Variants in BRD1 observed in about 807,000 individuals in gnomAD.
The protein encoded by BRD1 is bromodomain containing 1.
Under a neutral mutation model 107.7 loss-of-function variants are expected in BRD1, and 24 were observed. The ratio of observed to expected loss-of-function variants is 0.22; its 90% CI spans 0.16 to 0.31. The LOEUF (loss-of-function observed/expected upper bound fraction) is 0.31. Ranked by LOEUF, BRD1 falls within the 10% of genes least tolerant of loss-of-function variation. The pLI is 1.00. For synonymous variants in BRD1, 744 were observed against 686.1 expected (o/e 1.08, Z -1.32); for missense variants, 1,279 against 1,638.6 (o/e 0.78, Z 3.79).
intron 3 of BRD1, among the ~76,000 whole-genome samples, chr22:49,800,233 G>A (rs1287874750): frequency 6.6e-6 from 1 of 152,136 alleles, no homozygotes; most frequent in African/African-American, 2.4e-5. Flanking sequence ...AGAAAAGGAG[G>A]CTCAAGGAGG....
chr22:49,822,553 T>C (rs1479662568), intron 2 of BRD1, among the ~76,000 whole-genome samples: 1 of 147,336 alleles, frequency 6.8e-6, no homozygotes, highest in African/African-American at 2.5e-5. Context: ...ACTTAAAAAA[T>C]ACAAAAATTT....
In BRD1 at chr22:49,827,782, G is replaced by GAGCGGGC. The variant is rs1555917699; in HGVS notation, c.-307_-301dup. Among the ~76,000 whole-genome samples the GAGCGGGC allele has an allele frequency of 9.9e-4, 142 of 143,608 alleles. No homozygotes were observed. Among genetic ancestry groups the GAGCGGGC allele is most frequent in the African/African-American group, 3.4e-3 (137 of 39,872 alleles). 94.2% of individuals were successfully genotyped at this position (143,608 alleles called of 152,430 possible). On this transcript the variant is annotated 5_prime_UTR_variant, in exon 1 of 13. Transcript: ENST00000404760. ...CCGGCGGGCGCGGGCGCGGGCGCGG[G>GAGCGGGC]AGCGGGCGGCGGGCGGCGGGCGCGG...
chr22:49,818,242 T>C (rs560660361), intron 2 of BRD1: 1 of 1,227,430 alleles, frequency 8.1e-7, no homozygotes, highest in East Asian at 6.0e-5. Flanking sequence ...TTCTTGTCCG[T>C]GAGGCTGAAG....
Position 49,827,697 on chromosome 22 carries a change from G to C in BRD1, c.-215C>G, listed in dbSNP as rs2060161131. ...GGCGGCCGCGGACTCTCGGGCAGCG[G>C]CTCGCGCGGCGCGGGCTCGGGCTCG... is the stretch of plus-strand genomic sequence containing the variant. On this transcript the variant is annotated 5_prime_UTR_variant, in exon 1 of 13. Transcript: ENST00000404760. Among the ~76,000 whole-genome samples, 1 of 145,068 alleles carries C rather than the reference G, an allele frequency of 6.9e-6. No homozygotes were observed. Among genetic ancestry groups the C allele is most frequent in the Non-Finnish European group, 1.5e-5 (1 of 65,386 alleles).
At chr22:49,787,299 A>AGCCCC in intron 8 of BRD1, 91 bp downstream of exon 8, 1 of 544,640 alleles carries the variant, frequency 1.8e-6, no homozygotes, top group East Asian at 6.1e-5. Context: ...GAAGCTGGAC[A>AGCCCC]CCCCCCCCCC....
chr22:49,781,044 G>C (rs2146966028), intron 8 of BRD1, among the ~76,000 whole-genome samples: 1 of 152,294 alleles, frequency 6.6e-6, no homozygotes, highest in South Asian at 2.1e-4. Context: ...GTGACTGTGA[G>C]AAATACGTTA....
chr22:49,797,150 G>A (rs142781670), intron 6 of BRD1, among the ~76,000 whole-genome samples: 99 of 152,350 alleles, frequency 6.5e-4, no homozygotes, highest in Middle Eastern at 3.4e-3. Context: ...CCCGGTTTCC[G>A]AGGACCAGTC....
rs535014848 is a variant in BRD1, at chr22:49,783,832, G to A, written c.2857+3558C>T. Among the ~76,000 whole-genome samples the A allele has an allele frequency of 5.3e-4, 80 of 152,298 alleles. No individual in the cohort carries two copies. The highest frequency in any genetic ancestry group is 9.8e-4 in the Non-Finnish European group (67 of 68,030). ...TGAGCTGATGATTCCAATGTGATCC[G>A]CAAGAATTAAGTGAAAGGCAAGATG... On this transcript the variant is annotated intron_variant, in intron 8 of 12. Coordinates refer to ENST00000404760, the MANE Select transcript of BRD1 (RefSeq NM_001304808.3). The surrounding 1 kb of genome is among the most constrained non-coding windows in gnomAD (Gnocchi z 4.2).
At chr22:49,813,113 G>A (rs1216679685) in intron 2 of BRD1, among the ~76,000 whole-genome samples, 2 of 152,150 alleles carry the variant, frequency 1.3e-5, no homozygotes, top group Admixed American at 6.5e-5. Flanking sequence ...CGAGGTGGCC[G>A]GGCACCATGG....
At chr22:49,793,796 T>G (rs2059478203) in intron 7 of BRD1, among the ~76,000 whole-genome samples, 1 of 152,264 alleles carries the variant, frequency 6.6e-6, no homozygotes, top group Non-Finnish European at 1.5e-5. Flanking sequence ...CCTTAAATTT[T>G]ATCAACTGAT....
chr22:49,809,548 A>T (rs56230672), intron 2 of BRD1, among the ~76,000 whole-genome samples: 9,587 of 147,776 alleles, frequency 0.065, 418 homozygotes, highest in Non-Finnish European at 0.1. Context: ...CTCCAAAAAA[A>T]ATATATATAT....
intron 3 of BRD1, among the ~76,000 whole-genome samples, chr22:49,799,889 G>A (rs986097755): frequency 3.9e-5 from 6 of 152,156 alleles, no homozygotes; most frequent in South Asian, 2.1e-4. Flanking sequence ...AGGCCTGGCC[G>A]CATGAGGCCT....
In BRD1 at chr22:49,783,948, C is replaced by T. The variant is rs2059266275; in HGVS notation, c.2857+3442G>A. On this transcript the variant is annotated intron_variant, in intron 8 of 12. Coordinates refer to ENST00000404760, the MANE Select transcript of BRD1 (RefSeq NM_001304808.3). The surrounding 1 kb of genome is among the most constrained non-coding windows in gnomAD (Gnocchi z 4.2). ...AAATGATTAGGGTCCAAAGAGTGAA[C>T]TACCCAGCACATTAGTGGTTAAAGT... Among the ~76,000 whole-genome samples, 1 of 152,224 alleles carries T rather than the reference C, an allele frequency of 6.6e-6. No homozygotes were observed. Among genetic ancestry groups the T allele is most frequent in the Non-Finnish European group, 1.5e-5 (1 of 68,036 alleles).
At chr22:49,827,236 A>C (rs1263602957) in intron 1 of BRD1, among the ~76,000 whole-genome samples, 4 of 137,024 alleles carry the variant, frequency 2.9e-5, no homozygotes, top group Admixed American at 7.0e-5. Context: ...GGCCTGACCT[A>C]CCCGGTCTCC....
rs1410626161 is a variant in BRD1, at chr22:49,823,637, G to A, written c.681C>T (p.Asn227=). The change falls in exon 2 of 13, where the codon AAC becomes AAT. Residue 227 remains asparagine (N), a synonymous_variant. Coordinates refer to ENST00000404760, the MANE Select transcript of BRD1 (RefSeq NM_001304808.3). ...TGTCGCAGAAGAGGATCACGTTGCT[G>A]TTCTGACACTCCCCGTCCATGCAGA... ...CCICMDGECQ[N]SNVILFCDMC... 6.2e-7 allele frequency: 1 copy of A among 1,612,420 alleles called. No homozygotes were observed. The highest frequency in any genetic ancestry group is 8.5e-7 in the Non-Finnish European group (1 of 1,179,690).
chr22:49,807,993 AT>A (rs2059776115), intron 2 of BRD1, among the ~76,000 whole-genome samples: 1 of 152,084 alleles, frequency 6.6e-6, no homozygotes, highest in South Asian at 2.1e-4. Context: ...CTTCACACCT[AT>A]TAGAATGGCT....
At position 49,823,152 on chromosome 22, in the gene BRD1, G is replaced by A. The variant is rs778747819; in HGVS notation, c.1166C>T (p.Thr389Met). ...AGGCCTCCGGGTGCAGCCTGGAGGCGTGTGGACATCACAGTAAGCGGTCTT... is the reference window on the plus strand; with the variant it reads ...AGGCCTCCGGGTGCAGCCTGGAGGCATGTGGACATCACAGTAAGCGGTCTT... ...VRKTAYCDVH[T>M]PPGCTRRPLN... The change falls in exon 2 of 13, where the codon ACG (threonine) becomes ATG (methionine). Residue 389 changes from threonine to methionine, a missense_variant. By Grantham distance (81) the Thr-to-Met change is moderately conservative (BLOSUM62 -1). Around this residue, in one of 7 missense-constraint regions of BRD1, gnomAD observed 158 missense variants for 310.2 expected, o/e 0.51. Coordinates refer to ENST00000404760, the MANE Select transcript of BRD1 (RefSeq NM_001304808.3). 60 of 1,614,068 alleles carry A rather than the reference G, an allele frequency of 3.7e-5. No individual in the cohort carries two copies. In the East Asian group the frequency reaches 4.0e-4, roughly 11 times the overall value.
At position 49,774,050 on chromosome 22, in the gene BRD1, C is replaced by A. The variant is rs576460578; in HGVS notation, c.*183G>T. On this transcript the variant is annotated 3_prime_UTR_variant, in exon 13 of 13. Transcript: ENST00000404760. ...CTGGGCTGCCCGGACGTGCCCACCC[C>A]ACTCACAGCGCCCAGACGGAGATGG... 4.3e-5 allele frequency: 34 copies of A among 782,376 alleles called. 1 individual carries two copies. The South Asian group carries it at 7.6e-4, about 17-fold the overall frequency. The allele number at this position is 782,376 out of a possible 1,614,324, so 48.5% of individuals were successfully genotyped here.
At position 49,787,747 on chromosome 22, in the gene BRD1, C is replaced by T; in HGVS notation, c.2500G>A (p.Asp834Asn). 16 of 1,550,878 alleles carry T rather than the reference C, an allele frequency of 1.0e-5. No homozygotes were observed. The highest frequency in any genetic ancestry group is 1.3e-5 in the Non-Finnish European group (15 of 1,147,062). Reference protein sequence around the residue: ...QSKLFKRVTFDNESHSACTQS... With the variant: ...QSKLFKRVTFNNESHSACTQS... ...GTGCAAGCGCTATGTGATTCATTATCAAATGTGACTCTTTTGAAAAGTTTA... is the reference window on the plus strand; with the variant it reads ...GTGCAAGCGCTATGTGATTCATTATTAAATGTGACTCTTTTGAAAAGTTTA... Residue 834 changes from aspartate (D) to asparagine (N), a missense_variant, in exon 8 of 13, where the codon GAT becomes AAT. This residue lies in a region of BRD1 where 406 missense variants were observed against 519.4 expected (regional missense o/e 0.78). Transcript: ENST00000404760.
Sources: allele counts gnomAD v4.1 joint callset (sites outside exome capture counted in the v4.1 genomes callset), GRCh38; gene constraint gnomAD v4.1.1; regional missense constraint gnomAD v4.1.1; non-coding constraint Gnocchi (gnomAD v3.1); transcripts MANE v1.5; gene names NCBI Gene and HGNC (gene_info 2026-07-23, HGNC 2026-07-21).